Variants in RABGAP1L observed in about 807,000 individuals in gnomAD.
RABGAP1L encodes rab GTPase-activating protein 1-like.
A neutral mutation model predicts 137.7 loss-of-function variants in RABGAP1L; 63 were observed. The ratio of observed to expected loss-of-function variants is 0.46; its 90% confidence interval spans 0.37 to 0.56. The LOEUF (loss-of-function observed/expected upper bound fraction) is 0.56, where lower values mean the gene tolerates loss of function less well. Ranked by LOEUF, RABGAP1L falls within the 20% of genes least tolerant of loss-of-function variation. RABGAP1L has a pLI of 0.00. For missense variants in RABGAP1L, 1,095 were observed against 1,244.0 expected, an observed-to-expected ratio of 0.88 and a Z score of 1.80; for synonymous variants, 431 against 433.7, an observed-to-expected ratio of 0.99 and a Z score of 0.08.
intron 18 of RABGAP1L, among the ~76,000 whole-genome samples, chr1:174,781,613 T>G (rs80245686): frequency 0.6 from 91,971 of 152,062 alleles, 30,996 homozygotes; most frequent in East Asian, 0.93. Context: ...GCCATTGCTT[T>G]TGGTGTTTTA....
chr1:174,780,745 G>A (rs1043101793), intron 18 of RABGAP1L, among the ~76,000 whole-genome samples: 18 of 99,180 alleles, frequency 1.8e-4, no homozygotes, highest in African/African-American at 3.8e-4. Flanking sequence ...AACAGTCCCC[G>A]GTGTGTGATG....
intron 13 of RABGAP1L, among the ~76,000 whole-genome samples, chr1:174,563,338 A>AT (rs1267963497): frequency 6.6e-6 from 1 of 152,202 alleles, no homozygotes; most frequent in Non-Finnish European, 1.5e-5. Context: ...CAGTTATTGC[A>AT]TATATTTGTG....
intron 18 of RABGAP1L, chr1:174,800,260 C>G: frequency 6.8e-7 from 1 of 1,470,950 alleles, no homozygotes; most frequent in Non-Finnish European, 9.0e-7. Flanking sequence ...AACCTGGCTC[C>G]CCTCCCACCG....
intron 7 of RABGAP1L, among the ~76,000 whole-genome samples, chr1:174,254,909 C>A (rs761900846): frequency 5.3e-5 from 8 of 152,182 alleles, no homozygotes; most frequent in Non-Finnish European, 1.0e-4. Context: ...TGAGGAATCA[C>A]CACACTGTCT....
chr1:174,873,389 G>A (rs956527288), intron 19 of RABGAP1L, among the ~76,000 whole-genome samples: 2 of 151,720 alleles, frequency 1.3e-5, no homozygotes, highest in Non-Finnish European at 2.9e-5. Flanking sequence ...TTCTCTTGTA[G>A]TTGTTTTGTC....
intron 13 of RABGAP1L, among the ~76,000 whole-genome samples, chr1:174,408,992 T>C (rs1649596750): frequency 6.6e-6 from 1 of 152,210 alleles, no homozygotes; most frequent in Non-Finnish European, 1.5e-5. Flanking sequence ...TTTCTGAGTA[T>C]GTTCTCCTAT....
At chr1:174,566,815 T>G (rs1486856341) in intron 13 of RABGAP1L, among the ~76,000 whole-genome samples, 2 of 152,116 alleles carry the variant, frequency 1.3e-5, no homozygotes, top group Non-Finnish European at 2.9e-5. Flanking sequence ...TTTAGGTGTT[T>G]TACAGTTATG....
At chr1:174,774,547 A>T (rs1686376179) in intron 18 of RABGAP1L, among the ~76,000 whole-genome samples, 1 of 151,862 alleles carries the variant, frequency 6.6e-6, no homozygotes, top group Non-Finnish European at 1.5e-5. Context: ...AAAACAAAGG[A>T]AGATTTTTTT....
intron 13 of RABGAP1L, among the ~76,000 whole-genome samples, chr1:174,499,612 C>T (rs1055296702): frequency 4.6e-5 from 7 of 152,106 alleles, no homozygotes; most frequent in East Asian, 3.9e-4. Context: ...GCTACCATTC[C>T]GAGCCTCAGT....
At chr1:174,417,821 TG>T (rs1650784113) in intron 13 of RABGAP1L, among the ~76,000 whole-genome samples, 5 of 152,190 alleles carry the variant, frequency 3.3e-5, no homozygotes, top group Admixed American at 3.3e-4. Flanking sequence ...GTCTAAAAGC[TG>T]AGTTACCCAG....
chr1:174,212,175 A>G (rs149249917), intron 1 of RABGAP1L, among the ~76,000 whole-genome samples: 56 of 152,224 alleles, frequency 3.7e-4, no homozygotes, highest in African/African-American at 1.3e-3. Flanking sequence ...TGAAGAATAC[A>G]TATTTTTTTC....
chr1:174,899,948 T>G (rs1448125525), intron 19 of RABGAP1L, among the ~76,000 whole-genome samples: 1 of 152,024 alleles, frequency 6.6e-6, no homozygotes, highest in Non-Finnish European at 1.5e-5. Flanking sequence ...GGGGGTAGAA[T>G]AATCTTCAGA....
chr1:174,338,381 G>C (rs1344466180), intron 11 of RABGAP1L, among the ~76,000 whole-genome samples: 1 of 152,096 alleles, frequency 6.6e-6, no homozygotes, highest in Non-Finnish European at 1.5e-5. Flanking sequence ...TCAGGTGTCT[G>C]GGTTGTATAT....
chr1:174,519,173 C>A (rs1009835513), intron 13 of RABGAP1L, among the ~76,000 whole-genome samples: 1 of 150,682 alleles, frequency 6.6e-6, no homozygotes, highest in Non-Finnish European at 1.5e-5. Flanking sequence ...TTTGTATAAA[C>A]TCCCATGTGT....
At chr1:174,468,556 T>C (rs571831610) in intron 13 of RABGAP1L, among the ~76,000 whole-genome samples, 7 of 152,326 alleles carry the variant, frequency 4.6e-5, no homozygotes, top group African/African-American at 1.4e-4. Context: ...TTAAACACTT[T>C]CCATATGACA....
At chr1:174,369,737 A>G (rs1288481585) in intron 11 of RABGAP1L, among the ~76,000 whole-genome samples, 1 of 152,168 alleles carries the variant, frequency 6.6e-6, no homozygotes, top group African/African-American at 2.4e-5. Context: ...AGCTTCATAC[A>G]GTTGCTTATG....
In RABGAP1L at chr1:174,252,338, G is replaced by A. The variant is rs140106240; in HGVS notation, c.876-142G>A. ...AAATAAAATTAATAGTTTGCTGCCTGTGGCAAGGTGAGAGTTTAGTATATC... is the reference window on the plus strand; with the variant it reads ...AAATAAAATTAATAGTTTGCTGCCTATGGCAAGGTGAGAGTTTAGTATATC... On this transcript the variant is annotated intron_variant, in intron 6 of 25. Transcript: ENST00000681986. The A allele has an allele frequency of 3.1e-4, 285 of 918,402 alleles. 2 individuals are homozygous for A. The African/African-American group carries it at 4.3e-3, about 14-fold the overall frequency. The allele number at this position is 918,402 out of a possible 1,614,324, so 56.9% of individuals were successfully genotyped here.
chr1:174,627,536 G>A (rs1673015071), intron 13 of RABGAP1L, among the ~76,000 whole-genome samples: 1 of 152,196 alleles, frequency 6.6e-6, no homozygotes, highest in African/African-American at 2.4e-5. Flanking sequence ...TTGATCAAAA[G>A]TTAAGCAAGC....
chr1:174,750,415 G>T (rs1684257083), intron 17 of RABGAP1L, among the ~76,000 whole-genome samples: 1 of 152,088 alleles, frequency 6.6e-6, no homozygotes, highest in Admixed American at 6.5e-5. Context: ...CAGTTGGAGG[G>T]CTTAGAATTG....
Sources: gnomAD v4.1 joint callset for allele counts (sites outside exome capture counted in the v4.1 genomes callset) on GRCh38, gnomAD v4.1.1 for gene constraint, MANE v1.5 for transcripts, NCBI Gene and HGNC (gene_info 2026-07-23, HGNC 2026-07-21) for gene names.